ST18: variants seen among roughly 807,000 people sequenced by gnomAD.
ST18 encodes suppression of tumorigenicity 18 protein.
A neutral mutation model predicts 110.0 loss-of-function variants in ST18; 50 were observed. The ratio of observed to expected loss-of-function variants is 0.45; its 90% CI spans 0.36 to 0.58. The LOEUF is 0.58. ST18 is among the 20% of genes least tolerant of loss of function. The pLI, the probability that ST18 is intolerant of heterozygous loss-of-function variation, is 0.00. For synonymous variants in ST18, 461 were observed against 452.4 expected (o/e 1.02, Z -0.24); for missense variants, 1,306 against 1,280.1 (o/e 1.02, Z -0.31).
At chr8:52,309,033 GA>G (rs1229562607) in intron 2 of ST18, among the ~76,000 whole-genome samples, 7 of 152,152 alleles carry the variant, frequency 4.6e-5, no homozygotes, top group African/African-American at 1.7e-4. Context: ...AAGCCAAGGG[GA>G]AAAAACAAAA....
intron 17 of ST18, among the ~76,000 whole-genome samples, chr8:52,138,193 C>T (rs1279293513): frequency 2.7e-5 from 4 of 150,872 alleles, no homozygotes; most frequent in Non-Finnish European, 4.4e-5. Flanking sequence ...ATCTTAGGAA[C>T]ACCAGCACCC....
chr8:52,128,729 T>G (rs1417399952), intron 22 of ST18, among the ~76,000 whole-genome samples: 2 of 152,120 alleles, frequency 1.3e-5, no homozygotes, highest in African/African-American at 4.8e-5. Flanking sequence ...CATTAAACCT[T>G]AGGGGAAGTG....
intron 15 of ST18, among the ~76,000 whole-genome samples, chr8:52,152,841 G>A (rs1268530273): frequency 1.3e-5 from 2 of 152,158 alleles, no homozygotes; most frequent in African/African-American, 2.4e-5. Context: ...AATACTTAAT[G>A]AAAATATGCC....
At chr8:52,242,210 A>T (rs2093470666) in intron 2 of ST18, among the ~76,000 whole-genome samples, 2 of 152,260 alleles carry the variant, frequency 1.3e-5, no homozygotes, top group South Asian at 4.1e-4. Flanking sequence ...CAAAATAAAT[A>T]TTACAGTGTG....
chr8:52,372,103 T>G (rs866358568), intron 2 of ST18, among the ~76,000 whole-genome samples: 1 of 152,172 alleles, frequency 6.6e-6, no homozygotes, highest in Non-Finnish European at 1.5e-5. Context: ...CTGAACACCT[T>G]CCAGTGAGAC....
chr8:52,379,124 G>T (rs1342998710), intron 2 of ST18, among the ~76,000 whole-genome samples: 2 of 147,814 alleles, frequency 1.4e-5, no homozygotes. Context: ...TTTGAGACAG[G>T]GTCTTGCTCT....
chr8:52,187,052 AAG>A (rs2072576652), intron 8 of ST18, among the ~76,000 whole-genome samples: 2 of 152,234 alleles, frequency 1.3e-5, no homozygotes, highest in Admixed American at 6.5e-5. Flanking sequence ...TTAAAAAAAA[AAG>A]AGTCTTAGCA....
At chr8:52,225,097 G>A (rs2088793104) in intron 3 of ST18, among the ~76,000 whole-genome samples, 1 of 152,114 alleles carries the variant, frequency 6.6e-6, no homozygotes, top group African/African-American at 2.4e-5. Flanking sequence ...ACACTAGTAG[G>A]CATAACAGTA....
intron 2 of ST18, among the ~76,000 whole-genome samples, chr8:52,370,550 T>G (rs1829903521): frequency 6.6e-6 from 1 of 152,200 alleles, no homozygotes; most frequent in Non-Finnish European, 1.5e-5. Flanking sequence ...CACACATGCA[T>G]GTTTAAGCAT....
chr8:52,381,268 G>T (rs962021690), intron 2 of ST18, among the ~76,000 whole-genome samples: 6 of 152,088 alleles, frequency 3.9e-5, no homozygotes, highest in African/African-American at 7.2e-5. Context: ...AGTGAGGGGG[G>T]TCATCTCACC....
intron 2 of ST18, among the ~76,000 whole-genome samples, chr8:52,245,357 T>A (rs2093759380): frequency 6.6e-6 from 1 of 152,150 alleles, no homozygotes; most frequent in Non-Finnish European, 1.5e-5. Context: ...CTGCCTGTCA[T>A]TATAAGTAAG....
chr8:52,148,567 G>A (rs1429352609), intron 16 of ST18, among the ~76,000 whole-genome samples: 2 of 152,094 alleles, frequency 1.3e-5, no homozygotes, highest in East Asian at 3.9e-4. Context: ...ACACAAGCAT[G>A]GTGGAAGTGT....
At chr8:52,368,096 T>C (rs942138557) in intron 2 of ST18, among the ~76,000 whole-genome samples, 3 of 152,182 alleles carry the variant, frequency 2.0e-5, no homozygotes, top group Non-Finnish European at 4.4e-5. Context: ...TAAGAATATA[T>C]TGCAGTGGCA....
intron 15 of ST18, among the ~76,000 whole-genome samples, chr8:52,156,791 C>T (rs2060129767): frequency 6.6e-6 from 1 of 152,178 alleles, no homozygotes; most frequent in Admixed American, 6.5e-5. Context: ...AAGGATTCTG[C>T]ACAAAGTGAC....
intron 7 of ST18, 110 bp downstream of exon 7, chr8:52,214,093 C>T (rs1231249639): frequency 8.6e-7 from 1 of 1,167,916 alleles, no homozygotes; most frequent in East Asian, 2.4e-5. Context: ...AAAAAAGAAG[C>T]CCTGAGGAAG....
chr8:52,137,859 T>A (rs2053126359), intron 17 of ST18: 1 of 183,286 alleles, frequency 5.5e-6, no homozygotes. Context: ...TCCCAGCACT[T>A]GGGAGGCCAA....
intron 2 of ST18, among the ~76,000 whole-genome samples, chr8:52,361,604 C>T (rs1016259080): frequency 6.6e-6 from 1 of 152,158 alleles, no homozygotes; most frequent in Non-Finnish European, 1.5e-5. Context: ...CATAAAGTGG[C>T]ATGAATTATT....
intron 2 of ST18, among the ~76,000 whole-genome samples, chr8:52,282,193 A>T (rs2095392332): frequency 1.3e-5 from 2 of 152,170 alleles, no homozygotes; most frequent in Non-Finnish European, 2.9e-5. Flanking sequence ...AAGTAGAATA[A>T]TTCCAAAACC....
At chr8:52,302,488 G>T (rs532093042) in intron 2 of ST18, among the ~76,000 whole-genome samples, 1 of 152,082 alleles carries the variant, frequency 6.6e-6, no homozygotes, top group Non-Finnish European at 1.5e-5. Flanking sequence ...GAGTCTGTCC[G>T]CAGCCACACC....
Sources: gnomAD v4.1 joint callset for allele counts (sites outside exome capture counted in the v4.1 genomes callset) on GRCh38, gnomAD v4.1.1 for gene constraint, MANE v1.5 for transcripts, NCBI Gene and HGNC (gene_info 2026-07-23, HGNC 2026-07-21) for gene names.